The following PDE4D variants were observed in gnomAD, a reference collection of about 807,000 sequenced individuals.
PDE4D encodes the protein phosphodiesterase 4D.
PDE4D carries 24 observed loss-of-function variants against 87.4 expected under a neutral mutation model. The ratio of observed to expected loss-of-function variants is 0.27; its 90% CI spans 0.20 to 0.39. The LOEUF (loss-of-function observed/expected upper bound fraction) is 0.39, where lower values mean the gene tolerates loss of function less well. PDE4D is among the 10% of genes least tolerant of loss of function. The probability of loss-of-function intolerance (pLI) is 1.00; values close to 1 mark genes in which losing one functional copy is unlikely to be tolerated. For missense variants in PDE4D, 714 were observed against 1,041.0 expected (o/e 0.69, Z 4.32); for synonymous variants, 384 against 383.2 (o/e 1.00, Z -0.02).
intron 1 of PDE4D, among the ~76,000 whole-genome samples, chr5:60,297,384 T>A (rs1243083399): frequency 6.6e-6 from 1 of 152,116 alleles, no homozygotes; most frequent in Non-Finnish European, 1.5e-5. Context: ...ACTGGATAAT[T>A]TTCTAAGATC....
chr5:59,333,347 G>A (rs978662217), intron 1 of PDE4D, among the ~76,000 whole-genome samples: 31 of 152,066 alleles, frequency 2.0e-4, no homozygotes, highest in African/African-American at 7.5e-4. Context: ...TATCGAGAAG[G>A]GGGAAGTTAC....
rs189884119 is a variant in PDE4D, at chr5:59,011,848, A to C, written c.922-18383T>G. 4.1e-3 allele frequency among the ~76,000 whole-genome samples: 618 copies of C among 152,292 alleles called. 3 individuals carry two copies. Among genetic ancestry groups the C allele is most frequent in the Non-Finnish European group, 6.2e-3 (419 of 68,018 alleles). On this transcript the variant is annotated intron_variant, in intron 6 of 14. Coordinates refer to ENST00000340635, the MANE Select transcript of PDE4D (RefSeq NM_001104631.2). ...AAGAAGAGCAACTCCAAGACACATA[A>C]TTGTCAGATTCACCAAAGTTGAAAT...
At chr5:59,246,930 CAT>C (rs35720109) in intron 1 of PDE4D, among the ~76,000 whole-genome samples, 31,195 of 151,988 alleles carry the variant, frequency 0.21, 3,494 homozygotes, top group Non-Finnish European at 0.25. Context: ...TGTATATGCA[CAT>C]GTGTGTACAC....
At chr5:59,936,150 G>A (rs1258919673) in intron 3 of PDE4D, among the ~76,000 whole-genome samples, 1 of 151,940 alleles carries the variant, frequency 6.6e-6, no homozygotes, top group Admixed American at 6.6e-5. Flanking sequence ...TCATAGGTGG[G>A]AATTGAACAA....
intron 1 of PDE4D, among the ~76,000 whole-genome samples, chr5:60,322,730 T>C (rs948683762): frequency 1.3e-5 from 2 of 152,190 alleles, no homozygotes; most frequent in African/African-American, 4.8e-5. Context: ...CCATCTTATC[T>C]AGAAAGTCTT....
rs187676128 is a variant in PDE4D, at chr5:59,592,686, T to C, written c.455+300482A>G. On this transcript the variant is annotated intron_variant, in intron 1 of 14. Transcript: ENST00000340635. ...GCTTGTTAAATTTTACTTTTAATTT[T>C]TTTTTTGGAAGTAGAAGACTTAAAA... is the stretch of plus-strand genomic sequence containing the variant. Among the ~76,000 whole-genome samples, 48 of 152,250 alleles carry C rather than the reference T, an allele frequency of 3.2e-4. No homozygotes were observed. In the East Asian group the frequency reaches 7.5e-3, roughly 24 times the overall value.
intron 3 of PDE4D, among the ~76,000 whole-genome samples, chr5:59,947,216 A>G (rs1319248915): frequency 1.3e-5 from 2 of 152,238 alleles, no homozygotes; most frequent in Admixed American, 6.5e-5. Context: ...TAAAGGGAAT[A>G]TAACTGCAGT....
At chr5:60,119,812 T>C (rs1582753577) in intron 2 of PDE4D, among the ~76,000 whole-genome samples, 1 of 152,180 alleles carries the variant, frequency 6.6e-6, no homozygotes, top group East Asian at 1.9e-4. Flanking sequence ...TTTAAAATAC[T>C]AGGGGTACAT....
chr5:59,473,767 G>A (rs1244280206), intron 1 of PDE4D, among the ~76,000 whole-genome samples: 1 of 152,018 alleles, frequency 6.6e-6, no homozygotes, highest in African/African-American at 2.4e-5. Flanking sequence ...TCAAGCAAAT[G>A]GTCAGGCTGA....
At chr5:60,107,580 C>G (rs1027978714) in intron 2 of PDE4D, among the ~76,000 whole-genome samples, 1 of 152,172 alleles carries the variant, frequency 6.6e-6, no homozygotes, top group African/African-American at 2.4e-5. Flanking sequence ...GACCAATATC[C>G]TTGATGAACA....
At chr5:59,565,364 A>T (rs577728379) in intron 1 of PDE4D, among the ~76,000 whole-genome samples, 2 of 152,298 alleles carry the variant, frequency 1.3e-5, no homozygotes, top group South Asian at 2.1e-4. Flanking sequence ...ACAAAAAAAT[A>T]AAAAATGAGC....
At chr5:60,259,611 T>C (rs989316520) in intron 1 of PDE4D, among the ~76,000 whole-genome samples, 1 of 152,056 alleles carries the variant, frequency 6.6e-6, no homozygotes, top group Non-Finnish European at 1.5e-5. Context: ...TTTCCACTCA[T>C]TTCAAAAATT....
At chr5:60,442,449 G>T (rs1745309649) in intron 1 of PDE4D, among the ~76,000 whole-genome samples, 1 of 152,064 alleles carries the variant, frequency 6.6e-6, no homozygotes, top group South Asian at 2.1e-4. Context: ...AGGGGGTGGG[G>T]GGACTAGGGG....
intron 1 of PDE4D, among the ~76,000 whole-genome samples, chr5:59,462,673 T>C (rs1199336402): frequency 6.6e-6 from 1 of 152,132 alleles, no homozygotes; most frequent in Non-Finnish European, 1.5e-5. Context: ...ATCTACTAAA[T>C]GGAGCAGAGA....
rs552265610 is a variant in PDE4D at position 60,390,096 on chromosome 5, T to C, written c.-90+97846A>G. Among the ~76,000 whole-genome samples, 6 of 152,356 alleles carry C rather than the reference T, an allele frequency of 3.9e-5. No individual in the cohort carries two copies. The South Asian group carries it at 1.2e-3, about 32-fold the overall frequency. ...GGCTGTTGCAGCCTACTGCTGCCAA[T>C]TGGCTGGCCCTTCTACCTACATCTC... is the stretch of plus-strand genomic sequence containing the variant. On this transcript the variant is annotated intron_variant, in intron 1 of 16. Coordinates refer to the PDE4D transcript ENST00000502484.
intron 1 of PDE4D, among the ~76,000 whole-genome samples, chr5:59,410,450 T>C (rs1792459989): frequency 6.6e-6 from 1 of 152,194 alleles, no homozygotes; most frequent in Non-Finnish European, 1.5e-5. Flanking sequence ...TTTCATTATG[T>C]TGGCCATACT....
intron 1 of PDE4D, among the ~76,000 whole-genome samples, chr5:60,368,393 C>T (rs927518475): frequency 6.6e-6 from 1 of 152,060 alleles, no homozygotes; most frequent in Non-Finnish European, 1.5e-5. Context: ...AATATCGTGA[C>T]CTGTGTTCTG....
chr5:59,181,092 A>C (rs947126278), intron 4 of PDE4D, among the ~76,000 whole-genome samples: 7 of 152,222 alleles, frequency 4.6e-5, no homozygotes, highest in Admixed American at 6.6e-5. Context: ...GTTGTAAACT[A>C]TCTTATAATT....
intron 1 of PDE4D, among the ~76,000 whole-genome samples, chr5:59,829,789 A>G (rs1740904866): frequency 6.6e-6 from 1 of 151,894 alleles, no homozygotes; most frequent in Non-Finnish European, 1.5e-5. Flanking sequence ...TTTATTTGTT[A>G]TTTGCATTTC....
Sources: allele counts gnomAD v4.1 joint callset (sites outside exome capture counted in the v4.1 genomes callset), GRCh38; gene constraint gnomAD v4.1.1; transcripts MANE v1.5; gene names NCBI Gene and HGNC (gene_info 2026-07-23, HGNC 2026-07-21).